C1QTNF1: variants seen among roughly 807,000 people sequenced by gnomAD.
The protein encoded by C1QTNF1 is complement C1q tumor necrosis factor-related protein 1.
C1QTNF1 carries 22 observed loss-of-function variants against 27.8 expected under a neutral mutation model. That is an observed-to-expected ratio of 0.79 (90% CI 0.56 to 1.13). C1QTNF1 has a LOEUF of 1.13. Among genes scored for constraint, C1QTNF1 ranks in the 50% most tolerant of loss-of-function variants. The probability of loss-of-function intolerance (pLI) is 0.00; values close to 1 mark genes in which losing one functional copy is unlikely to be tolerated. For missense variants in C1QTNF1, 373 were observed against 380.2 expected, an observed-to-expected ratio of 0.98 and a Z score of 0.16; for synonymous variants, 166 against 154.3, an observed-to-expected ratio of 1.08 and a Z score of -0.56.
chr17:79,029,480 C>CTT (rs1481411733), intron 1 of C1QTNF1, among the ~76,000 whole-genome samples: 14 of 152,178 alleles, frequency 9.2e-5, no homozygotes, highest in Admixed American at 3.9e-4. Context: ...AAGGATCAAG[C>CTT]TCAGTGGTGT....
At chr17:79,028,883 GGT>G (rs3223281) in intron 1 of C1QTNF1, among the ~76,000 whole-genome samples, 30,400 of 148,996 alleles carry the variant, frequency 0.2, 3,660 homozygotes, top group African/African-American at 0.34. Context: ...CACATTTTAA[GGT>G]GTGTGTGTGT....
chr17:79,044,354 G>A (rs1246800731), intron 2 of C1QTNF1, among the ~76,000 whole-genome samples: 3 of 152,214 alleles, frequency 2.0e-5, no homozygotes, highest in African/African-American at 7.2e-5. Flanking sequence ...CTCACCACGA[G>A]CCTAAAGGAG....
At position 79,035,279 on chromosome 17, in the gene C1QTNF1, C is replaced by T. The variant is rs145617668; in HGVS notation, c.-14-8676C>T. Among the ~76,000 whole-genome samples the T allele has an allele frequency of 5.3e-5, 8 of 152,098 alleles. No homozygotes were observed. In the East Asian group the frequency reaches 1.4e-3, roughly 26 times the overall value. ...GGAGAATTCTACCAGACGTCAGAGC[C>T]GAGGGGGAGTGGACTCAGGGCTTCT... On this transcript the variant is annotated intron_variant, in intron 1 of 3. Transcript: ENST00000579760.
chr17:79,025,602 T>C (rs536618544), intron 1 of C1QTNF1: 1 of 153,132 alleles, frequency 6.5e-6, no homozygotes, highest in South Asian at 2.1e-4. Context: ...CTGCTTTTTA[T>C]AGTGCAGGAA....
intron 1 of C1QTNF1, among the ~76,000 whole-genome samples, chr17:79,037,664 T>A (rs2072295148): frequency 1.3e-5 from 2 of 152,152 alleles, no homozygotes; most frequent in Admixed American, 1.3e-4. Context: ...TGTGGAGGGA[T>A]AAAAATTATT....
chr17:79,028,398 G>A (rs1195338819), intron 1 of C1QTNF1, among the ~76,000 whole-genome samples: 1 of 152,238 alleles, frequency 6.6e-6, no homozygotes, highest in African/African-American at 2.4e-5. Context: ...CGAGGCAGAT[G>A]TAGGTCAGAA....
chr17:79,044,173 T>C (rs1172108555), intron 2 of C1QTNF1, 50 bp downstream of exon 2: 9 of 1,516,958 alleles, frequency 5.9e-6, no homozygotes, highest in Admixed American at 2.2e-5. Flanking sequence ...CTGGCCAGGC[T>C]GAGCCTGGGC....
intron 1 of C1QTNF1, among the ~76,000 whole-genome samples, 160 bp downstream of exon 1, chr17:79,024,654 G>T (rs2071877620): frequency 6.6e-6 from 1 of 152,242 alleles, no homozygotes; most frequent in Non-Finnish European, 1.5e-5. Flanking sequence ...GAAAGACCCG[G>T]GTTTTCGGGG....
intron 3 of C1QTNF1, chr17:79,047,278 A>C (rs2072608226): frequency 1.0e-5 from 4 of 390,556 alleles, no homozygotes; most frequent in South Asian, 2.6e-4. Flanking sequence ...GAAGGAAAAA[A>C]AAATTATTGC....
rs975770566 is a variant in C1QTNF1 at position 79,048,283 on chromosome 17, C to T, written c.*195C>T. The T allele has an allele frequency of 3.2e-6, 2 of 628,568 alleles. No individual in the cohort carries two copies. Among genetic ancestry groups the T allele is most frequent in the Non-Finnish European group, 5.2e-6 (2 of 384,300 alleles). The allele number at this position is 628,568 out of a possible 1,614,324, so 38.9% of individuals were successfully genotyped here. On this transcript the variant is annotated 3_prime_UTR_variant, in exon 4 of 4. Coordinates refer to ENST00000579760, the MANE Select transcript of C1QTNF1 (RefSeq NM_030968.5). ...GGAGAGAGCTGACGGCAGATGAAAT[C>T]ACCAGGGCGGGGCACCCGCGAGAAC...
At chr17:79,040,312 A>T (rs59309575) in intron 1 of C1QTNF1, among the ~76,000 whole-genome samples, 3,426 of 152,292 alleles carry the variant, frequency 0.022, 126 homozygotes, top group African/African-American at 0.077. Context: ...AACAACAAAA[A>T]AATTTAGCTG....
chr17:79,033,475 C>A (rs2072187968), intron 1 of C1QTNF1, among the ~76,000 whole-genome samples: 1 of 151,878 alleles, frequency 6.6e-6, no homozygotes, highest in African/African-American at 2.4e-5. Context: ...CTTTGGGAGG[C>A]CAAGGCTGGA....
chr17:79,030,577 C>T (rs1050494579), intron 1 of C1QTNF1, among the ~76,000 whole-genome samples: 6 of 124,530 alleles, frequency 4.8e-5, no homozygotes, highest in African/African-American at 1.8e-4. Context: ...CTCTCTTTTC[C>T]TTCCTTCCTT....
At chr17:79,040,730 CAAAAAAA>C (rs60302649) in intron 1 of C1QTNF1, among the ~76,000 whole-genome samples, 7 of 56,940 alleles carry the variant, frequency 1.2e-4, no homozygotes, top group Non-Finnish European at 2.7e-4. Flanking sequence ...TTTGTCTCTA[CAAAAAAA>C]AAAAAAAAAA....
chr17:79,031,982 G>A (rs990781807), intron 1 of C1QTNF1, among the ~76,000 whole-genome samples: 8 of 152,236 alleles, frequency 5.3e-5, no homozygotes, highest in Non-Finnish European at 7.3e-5. Flanking sequence ...TTGTGGCTGA[G>A]GCATGTCATC....
chr17:79,043,493 G>A, intron 1 of C1QTNF1: 1 of 451,022 alleles, frequency 2.2e-6, no homozygotes, highest in Non-Finnish European at 4.5e-6. Flanking sequence ...TGGATTGCAT[G>A]AGTGTGCATG....
chr17:79,039,675 C>A (rs7210973), intron 1 of C1QTNF1, among the ~76,000 whole-genome samples: 29,017 of 150,488 alleles, frequency 0.19, 3,895 homozygotes, highest in African/African-American at 0.39. Flanking sequence ...AACAAAAAAA[C>A]CCAGCAATCC....
Position 79,046,455 on chromosome 17 carries a change from G to C in C1QTNF1, c.156-100G>C. Reference sequence around the variant, plus strand: ...CTTGTGGGTCCAGGTGAGAGAGTGAGAAGGCAGGTCAGGCATGCCAGAACC... The same window carrying C: ...CTTGTGGGTCCAGGTGAGAGAGTGACAAGGCAGGTCAGGCATGCCAGAACC... On this transcript the variant is annotated intron_variant, in intron 2 of 3. Coordinates refer to ENST00000579760, the MANE Select transcript of C1QTNF1 (RefSeq NM_030968.5). This position sits in a 1 kb window ranked among gnomAD's most constrained non-coding sequence, Gnocchi z 4.8. The C allele has an allele frequency of 2.7e-6, 4 of 1,507,222 alleles. No individual in the cohort carries two copies. Among genetic ancestry groups the C allele is most frequent in the Middle Eastern group, 2.1e-4 (1 of 4,866 alleles). The allele number at this position is 1,507,222 out of a possible 1,614,324, so 93.4% of individuals were successfully genotyped here. A position where few individuals can be genotyped will look rare whatever the true frequency, so the allele number is the denominator to read the frequency against.
At chr17:79,040,618 G>A (rs2072378591) in intron 1 of C1QTNF1, among the ~76,000 whole-genome samples, 1 of 151,692 alleles carries the variant, frequency 6.6e-6, no homozygotes, top group African/African-American at 2.4e-5. Context: ...TCTTGGCCCG[G>A]CGTGGAGGAT....
Sources: allele counts gnomAD v4.1 joint callset (sites outside exome capture counted in the v4.1 genomes callset), GRCh38; gene constraint gnomAD v4.1.1; non-coding constraint Gnocchi (gnomAD v3.1); transcripts MANE v1.5; gene names NCBI Gene and HGNC (gene_info 2026-07-23, HGNC 2026-07-21).